LRRC4C: variants seen among roughly 807,000 people sequenced by gnomAD.
LRRC4C encodes leucine-rich repeat-containing protein 4C.
Under a neutral mutation model 33.6 loss-of-function variants are expected in LRRC4C, and 5 were observed. The observed-to-expected ratio is 0.15, with a 90% CI of 0.08 to 0.31. The LOEUF is 0.31. Ranked by LOEUF, LRRC4C falls within the 10% of genes least tolerant of loss-of-function variation. The pLI is 1.00. For synonymous variants in LRRC4C, 329 were observed against 302.0 expected, an observed-to-expected ratio of 1.09 and a Z score of -0.93; for missense variants, 560 against 796.7, an observed-to-expected ratio of 0.70 and a Z score of 3.58.
chr11:41,055,642 A>G (rs1272481191), intron 1 of LRRC4C, among the ~76,000 whole-genome samples: 2 of 152,140 alleles, frequency 1.3e-5, no homozygotes, highest in African/African-American at 2.4e-5. Flanking sequence ...TTATCCATAA[A>G]TTTTATATCA....
At chr11:40,938,571 GT>G (rs1484973405) in intron 1 of LRRC4C, among the ~76,000 whole-genome samples, 1 of 152,130 alleles carries the variant, frequency 6.6e-6, no homozygotes, top group Non-Finnish European at 1.5e-5. Flanking sequence ...TCATTCATTA[GT>G]TTTAACCACC....
chr11:41,311,057 A>G (rs763785598), intron 1 of LRRC4C, among the ~76,000 whole-genome samples: 1 of 152,222 alleles, frequency 6.6e-6, no homozygotes, highest in Non-Finnish European at 1.5e-5. Context: ...CTTAGTAAAC[A>G]AGCAAAGGAG....
intron 2 of LRRC4C, among the ~76,000 whole-genome samples, chr11:40,688,079 A>T (rs1945047810): frequency 6.6e-6 from 1 of 152,068 alleles, no homozygotes. Flanking sequence ...AAATAATTTG[A>T]ATTATTTCTG....
chr11:41,368,997 CAT>C (rs1952646558), intron 1 of LRRC4C, among the ~76,000 whole-genome samples: 1 of 152,276 alleles, frequency 6.6e-6, no homozygotes, highest in Admixed American at 6.5e-5. Flanking sequence ...TCTGTTACCA[CAT>C]GTGTTTTTCT....
chr11:40,622,757 T>A (rs1000147833), intron 3 of LRRC4C, among the ~76,000 whole-genome samples: 1 of 151,876 alleles, frequency 6.6e-6, no homozygotes, highest in African/African-American at 2.4e-5. Flanking sequence ...AGACTTTGAA[T>A]GTTTCCCTAT....
rs553927883 is a variant in LRRC4C at position 41,446,278 on chromosome 11, C to G, written c.-496+13153G>C. ...TGCTTGTGTAATATATAAGCCTGTT[C>G]GAGTTAACTATTCTCTGTAATAAAC... On this transcript the variant is annotated intron_variant, in intron 1 of 6. Transcript: ENST00000528697. Among the ~76,000 whole-genome samples, 3 of 152,302 alleles carry G rather than the reference C, an allele frequency of 2.0e-5. No homozygotes were observed. In the South Asian group the frequency reaches 6.2e-4, roughly 32 times the overall value.
At chr11:41,222,865 G>C (rs1226591681) in intron 1 of LRRC4C, 2 of 147,970 alleles carry the variant, frequency 1.4e-5, no homozygotes, top group Non-Finnish European at 3.0e-5. Context: ...AAGAATGCTG[G>C]TCCAGGCTGG....
intron 5 of LRRC4C, among the ~76,000 whole-genome samples, chr11:40,163,467 G>C (rs971197592): frequency 6.6e-6 from 1 of 152,108 alleles, no homozygotes; most frequent in Non-Finnish European, 1.5e-5. Context: ...TGCTGGCAAG[G>C]TATCAAGTGT....
chr11:40,732,057 A>C (rs199817222), intron 2 of LRRC4C, among the ~76,000 whole-genome samples: 5 of 59,126 alleles, frequency 8.5e-5, no homozygotes, highest in African/African-American at 1.5e-4. Flanking sequence ...GCAAAAAAAA[A>C]CCAAAAAAAA....
intron 4 of LRRC4C, among the ~76,000 whole-genome samples, chr11:40,294,598 G>A (rs564643953): frequency 3.9e-5 from 6 of 152,194 alleles, no homozygotes; most frequent in East Asian, 3.9e-4. Context: ...GGAGGCCAAG[G>A]TGGGCGGATC....
intron 3 of LRRC4C, among the ~76,000 whole-genome samples, chr11:40,565,652 C>T (rs1957728353): frequency 6.6e-6 from 1 of 152,128 alleles, no homozygotes; most frequent in Non-Finnish European, 1.5e-5. Context: ...TTTGGCCTGT[C>T]TCGGCTTTCT....
chr11:41,339,019 TG>T (rs559934311), intron 1 of LRRC4C, among the ~76,000 whole-genome samples: 1 of 152,202 alleles, frequency 6.6e-6, no homozygotes, highest in African/African-American at 2.4e-5. Flanking sequence ...CAAATTGGGC[TG>T]TTAGGAAGCT....
chr11:41,350,952 G>T (rs913857799), intron 1 of LRRC4C, among the ~76,000 whole-genome samples: 1 of 152,136 alleles, frequency 6.6e-6, no homozygotes, highest in South Asian at 2.1e-4. Context: ...TATAGAGGCT[G>T]GGTGTGGTGG....
At chr11:40,139,188 CAG>C (rs1857192524) in intron 6 of LRRC4C, among the ~76,000 whole-genome samples, 1 of 151,558 alleles carries the variant, frequency 6.6e-6, no homozygotes, top group Non-Finnish European at 1.5e-5. Context: ...GACACATACA[CAG>C]AGTGCTAGAG....
intron 1 of LRRC4C, among the ~76,000 whole-genome samples, chr11:41,259,271 T>A (rs1948899901): frequency 1.3e-5 from 2 of 152,032 alleles, no homozygotes; most frequent in South Asian, 4.1e-4. Flanking sequence ...TCTTCTAGTA[T>A]TTTGTGTTAT....
intron 1 of LRRC4C, among the ~76,000 whole-genome samples, chr11:41,336,316 G>A (rs1340542593): frequency 2.0e-5 from 3 of 151,086 alleles, no homozygotes; most frequent in Non-Finnish European, 4.4e-5. Flanking sequence ...ACAATGAAAA[G>A]GTTAGAATTT....
chr11:40,178,686 C>T (rs756635541), intron 5 of LRRC4C, among the ~76,000 whole-genome samples: 1 of 152,226 alleles, frequency 6.6e-6, no homozygotes, highest in Non-Finnish European at 1.5e-5. Flanking sequence ...TCAGCTTCAT[C>T]CCATGGCAGA....
intron 1 of LRRC4C, among the ~76,000 whole-genome samples, chr11:41,226,784 C>G (rs1264522004): frequency 8.0e-6 from 1 of 124,418 alleles, no homozygotes; most frequent in Non-Finnish European, 1.8e-5. Flanking sequence ...ACACCCTTCT[C>G]TCTACGTGTA....
chr11:41,133,881 C>T (rs2135856795), intron 1 of LRRC4C, among the ~76,000 whole-genome samples: 1 of 152,236 alleles, frequency 6.6e-6, no homozygotes, highest in South Asian at 2.1e-4. Context: ...CCACCTATAA[C>T]CTGTAAGCCC....
Sources: gnomAD v4.1 joint callset for allele counts (sites outside exome capture counted in the v4.1 genomes callset) on GRCh38, gnomAD v4.1.1 for gene constraint, MANE v1.5 for transcripts, NCBI Gene and HGNC (gene_info 2026-07-23, HGNC 2026-07-21) for gene names.